Variants in USP4 observed in about 807,000 individuals in gnomAD.
USP4 encodes ubiquitin specific peptidase 4.
USP4 carries 72 observed loss-of-function variants against 118.2 expected under a neutral mutation model. The ratio of observed to expected loss-of-function variants is 0.61; its 90% CI spans 0.50 to 0.74. The LOEUF (loss-of-function observed/expected upper bound fraction) is 0.74, where lower values mean the gene tolerates loss of function less well. Among genes scored for constraint, USP4 ranks in the 30% least tolerant of loss-of-function variants. USP4 has a pLI of 0.00. For synonymous variants in USP4, 415 were observed against 440.4 expected (o/e 0.94, Z 0.72); for missense variants, 1,037 against 1,185.7 (o/e 0.87, Z 1.84).
intron 8 of USP4, among the ~76,000 whole-genome samples, chr3:49,308,840 T>C (rs2047349183): frequency 6.6e-6 from 1 of 151,532 alleles, no homozygotes; most frequent in Non-Finnish European, 1.5e-5. Context: ...CCAGCCTGGT[T>C]AGCCAACATG....
At chr3:49,317,696 C>T (rs1157111103) in intron 6 of USP4, among the ~76,000 whole-genome samples, 2 of 151,302 alleles carry the variant, frequency 1.3e-5, no homozygotes, top group African/African-American at 4.9e-5. Context: ...CGCCTGCCAC[C>T]ATGCCCGTGG....
intron 19 of USP4, among the ~76,000 whole-genome samples, chr3:49,281,645 C>T (rs959659731): frequency 1.1e-4 from 16 of 146,580 alleles, no homozygotes; most frequent in African/African-American, 4.1e-4. Context: ...TCCTGGGAGG[C>T]AGAGTTTGCA....
intron 1 of USP4, among the ~76,000 whole-genome samples, chr3:49,336,531 C>CT (rs67164481): frequency 1.4e-4 from 21 of 146,586 alleles, no homozygotes; most frequent in Admixed American, 4.8e-4. Context: ...TCATTAACTT[C>CT]TTTTTTTTTT....
Position 49,328,951 on chromosome 3 carries a change from G to A in USP4, c.230-1135C>T, listed in dbSNP as rs1400197966. Among the ~76,000 whole-genome samples the A allele has an allele frequency of 2.6e-5, 4 of 152,006 alleles. No homozygotes were observed. The East Asian group carries it at 7.8e-4, about 30-fold the overall frequency. ...TCCCAGCACTTTCGGAGGCCGAGGT[G>A]GGCAGATCATGAGGTCAGGAGTTCA... On this transcript the variant is annotated intron_variant, in intron 2 of 21. Coordinates refer to ENST00000265560, the MANE Select transcript of USP4 (RefSeq NM_003363.4).
At chr3:49,281,495 C>T (rs200864821) in intron 19 of USP4, among the ~76,000 whole-genome samples, 5,806 of 108,790 alleles carry the variant, frequency 0.053, 376 homozygotes, top group African/African-American at 0.17. Flanking sequence ...TATATATACA[C>T]ACACACACAC....
chr3:49,317,538 G>GT (rs2047452992), intron 6 of USP4: 3 of 564,364 alleles, frequency 5.3e-6, no homozygotes, highest in African/African-American at 2.4e-5. Context: ...TTTTTTGTTT[G>GT]TTTGTTTTTT....
chr3:49,311,740 A>C, intron 6 of USP4, 86 bp from the exon 7 acceptor site: 3 of 1,526,420 alleles, frequency 2.0e-6, no homozygotes, highest in Non-Finnish European at 2.6e-6. Flanking sequence ...CTCAAGGAAT[A>C]AATATTCTTC....
chr3:49,326,211 G>A (rs756939975), intron 3 of USP4, among the ~76,000 whole-genome samples: 28 of 152,042 alleles, frequency 1.8e-4, no homozygotes, highest in Non-Finnish European at 3.1e-4. Flanking sequence ...CAACTACTCA[G>A]GAGGCTGAGA....
chr3:49,297,335 G>A (rs3774800), intron 13 of USP4, among the ~76,000 whole-genome samples: 101,269 of 151,990 alleles, frequency 0.67, 34,314 homozygotes, highest in East Asian at 0.97. Context: ...GGCAGAGGAG[G>A]CCTTTGTATT....
chr3:49,292,082 C>T (rs1250308711), intron 15 of USP4, among the ~76,000 whole-genome samples: 3 of 152,090 alleles, frequency 2.0e-5, no homozygotes, highest in Non-Finnish European at 4.4e-5. Context: ...GCTGGGATTA[C>T]AGGCGTGAGC....
At chr3:49,337,499 A>G (rs2047681107) in intron 1 of USP4, among the ~76,000 whole-genome samples, 1 of 152,140 alleles carries the variant, frequency 6.6e-6, no homozygotes, top group Admixed American at 6.6e-5. Flanking sequence ...GCACAATCAT[A>G]GCTCTCTGTA....
intron 13 of USP4, 49 bp from the exon 14 acceptor site, chr3:49,294,647 C>T: frequency 6.4e-7 from 1 of 1,559,864 alleles, no homozygotes; most frequent in Non-Finnish European, 8.8e-7. Context: ...TCCTTGTGAA[C>T]AACAGAGATC....
chr3:49,288,212 C>T (rs2047120164), intron 15 of USP4, among the ~76,000 whole-genome samples: 1 of 152,188 alleles, frequency 6.6e-6, no homozygotes, highest in South Asian at 2.1e-4. Flanking sequence ...ACCTGCCCTG[C>T]CTGCTGCCTC....
At chr3:49,320,690 G>A (rs1372376039) in intron 6 of USP4, among the ~76,000 whole-genome samples, 1 of 152,180 alleles carries the variant, frequency 6.6e-6, no homozygotes, top group African/African-American at 2.4e-5. Context: ...TGATTCTAAT[G>A]CTGTTATTAG....
chr3:49,307,659 T>C (rs1388733832), intron 8 of USP4, among the ~76,000 whole-genome samples: 1 of 151,976 alleles, frequency 6.6e-6, no homozygotes, highest in South Asian at 2.1e-4. Context: ...GTAAAGAATA[T>C]TGGGCCAAGT....
chr3:49,286,031 T>C lies in USP4; in HGVS notation c.2200+67A>G, dbSNP rs1233479233. 11 of 1,467,902 alleles carry C rather than the reference T, an allele frequency of 7.5e-6. No individual in the cohort carries two copies. In the South Asian group the frequency reaches 8.1e-5, roughly 11 times the overall value. The allele number at this position is 1,467,902 out of a possible 1,614,324, so 90.9% of individuals were successfully genotyped here. On this transcript the variant is annotated intron_variant, in intron 16 of 21. Transcript: ENST00000265560. ...AAAGCCCAATGCAGTGAGTGTCAAG[T>C]GTAAGGATTTTCAAACAGATCCTAA...
intron 2 of USP4, among the ~76,000 whole-genome samples, chr3:49,328,049 G>A (rs899962586): frequency 1.3e-5 from 2 of 152,026 alleles, no homozygotes; most frequent in African/African-American, 4.8e-5. Flanking sequence ...ATAATTGGAG[G>A]GAGAGAAGAG....
Position 49,278,263 on chromosome 3 carries a change from C to G in USP4, c.*30G>C, listed in dbSNP as rs1280345673. On this transcript the variant is annotated 3_prime_UTR_variant, in exon 22 of 22. Coordinates refer to ENST00000265560, the MANE Select transcript of USP4 (RefSeq NM_003363.4). ...GTTCTCCTGGGGGATTACACTGGCG[C>G]TACAGGGTGGCAGGATCGTGGAGTC... 6.2e-7 allele frequency: 1 copy of G among 1,607,552 alleles called. No homozygotes were observed. Among genetic ancestry groups the G allele is most frequent in the African/African-American group, 1.3e-5 (1 of 74,664 alleles).
At chr3:49,290,714 C>T (rs1018478040) in intron 15 of USP4, among the ~76,000 whole-genome samples, 2 of 152,144 alleles carry the variant, frequency 1.3e-5, no homozygotes, top group Admixed American at 6.5e-5. Flanking sequence ...AGGGTTTCAC[C>T]GTGTTGGCCA....
Sources: allele counts gnomAD v4.1 joint callset (sites outside exome capture counted in the v4.1 genomes callset), GRCh38; gene constraint gnomAD v4.1.1; transcripts MANE v1.5; gene names NCBI Gene and HGNC (gene_info 2026-07-23, HGNC 2026-07-21).